The following GRIN2B variants were observed in gnomAD, a reference collection of about 807,000 sequenced individuals.
GRIN2B encodes the protein glutamate ionotropic receptor NMDA type subunit 2B.
A neutral mutation model predicts 114.5 loss-of-function variants in GRIN2B; 5 were observed. That is an observed-to-expected ratio of 0.04 (90% CI 0.02 to 0.09). GRIN2B has a LOEUF of 0.09. Among genes scored for constraint, GRIN2B ranks in the 10% least tolerant of loss-of-function variants. GRIN2B has a pLI of 1.00. For synonymous variants in GRIN2B, 787 were observed against 745.1 expected (o/e 1.06, Z -0.92); for missense variants, 1,108 against 1,943.5 (o/e 0.57, Z 8.08).
intron 5 of GRIN2B, among the ~76,000 whole-genome samples, chr12:13,625,409 A>C (rs1949556008): frequency 6.6e-6 from 1 of 152,206 alleles, no homozygotes; most frequent in Non-Finnish European, 1.5e-5. Context: ...TGGGGGCCAG[A>C]TAGGCAGAAT....
chr12:13,683,716 G>A (rs723095), intron 4 of GRIN2B: 25,059 of 152,312 alleles, frequency 0.16, 2,202 homozygotes, highest in South Asian at 0.2. Flanking sequence ...AAGGAGGACC[G>A]GTCTTCGGTC....
intron 3 of GRIN2B, among the ~76,000 whole-genome samples, chr12:13,786,397 A>G (rs933571941): frequency 2.0e-5 from 3 of 152,202 alleles, no homozygotes; most frequent in Non-Finnish European, 4.4e-5. Flanking sequence ...CGATGCCTTA[A>G]ACATGTTAAT....
rs1948449785 is a variant in GRIN2B, at chr12:13,554,117, T to C, written c.*8666A>G. 1 of 152,112 alleles carries C rather than the reference T, an allele frequency of 6.6e-6. No individual in the cohort carries two copies. Among genetic ancestry groups the C allele is most frequent in the East Asian group, 1.9e-4 (1 of 5,194 alleles). The allele number at this position is 152,112 out of a possible 1,614,324, so 9.4% of individuals were successfully genotyped here. A position where few individuals can be genotyped will look rare whatever the true frequency, so the allele number is the denominator to read the frequency against. On this transcript the variant is annotated 3_prime_UTR_variant, in exon 14 of 14. Coordinates refer to ENST00000609686, the MANE Select transcript of GRIN2B (RefSeq NM_000834.5). The stretch of plus-strand genomic sequence containing the variant: ...AATTATAATTTATAATAATATCAAA[T>C]ATTTACTAATGCCTTTCATATACAA...
At chr12:13,948,373 A>C (rs1303524370) in intron 2 of GRIN2B, among the ~76,000 whole-genome samples, 1 of 152,204 alleles carries the variant, frequency 6.6e-6, no homozygotes, top group African/African-American at 2.4e-5. Context: ...GGGGGGACTA[A>C]AGATGCTGAG....
intron 5 of GRIN2B, among the ~76,000 whole-genome samples, chr12:13,650,804 A>G (rs1949805790): frequency 6.6e-6 from 1 of 151,942 alleles, no homozygotes; most frequent in Non-Finnish European, 1.5e-5. Context: ...TATTCCCAAC[A>G]TTTTCTATCT....
chr12:13,977,446 T>C (rs949248920), intron 2 of GRIN2B: 1 of 152,276 alleles, frequency 6.6e-6, no homozygotes, highest in African/African-American at 2.4e-5. Context: ...TCTGCTTCTC[T>C]TGAAATCACC....
intron 3 of GRIN2B, among the ~76,000 whole-genome samples, chr12:13,859,982 A>C (rs1339709101): frequency 6.6e-6 from 1 of 152,244 alleles, no homozygotes; most frequent in Non-Finnish European, 1.5e-5. Flanking sequence ...AAGCAAGGTA[A>C]CAATCTAACA....
At position 13,562,069 on chromosome 12, in the gene GRIN2B, C is replaced by A. The variant is rs976633507; in HGVS notation, c.*714G>T. The stretch of plus-strand genomic sequence containing the variant: ...CACACATGCACGCACAATCCACCTG[C>A]TCTTGTCCCCAAGGCACCGTGGGAC... On this transcript the variant is annotated 3_prime_UTR_variant, in exon 14 of 14. Transcript: ENST00000609686. The A allele has an allele frequency of 6.5e-6, 1 of 152,864 alleles. No homozygotes were observed. The highest frequency in any genetic ancestry group is 1.9e-4 in the East Asian group (1 of 5,176). The allele number at this position is 152,864 out of a possible 1,614,324, so 9.5% of individuals were successfully genotyped here.
chr12:13,639,686 T>C (rs2300233), intron 5 of GRIN2B, among the ~76,000 whole-genome samples: 54,354 of 151,926 alleles, frequency 0.36, 10,039 homozygotes, highest in Middle Eastern at 0.48. Flanking sequence ...AATGCTCTTA[T>C]CAGAAGCATA....
At chr12:13,863,565 A>G (rs1865780711) in intron 3 of GRIN2B, among the ~76,000 whole-genome samples, 1 of 152,234 alleles carries the variant, frequency 6.6e-6, no homozygotes, top group Non-Finnish European at 1.5e-5. Flanking sequence ...ATTAAATAAT[A>G]TCACTTAGGT....
chr12:13,974,896 G>A (rs534802171), intron 2 of GRIN2B, among the ~76,000 whole-genome samples: 1 of 151,928 alleles, frequency 6.6e-6, no homozygotes, highest in Admixed American at 6.6e-5. Context: ...GAGACTAAGA[G>A]ACATTAACAA....
chr12:13,820,374 T>C lies in GRIN2B; in HGVS notation c.411+45424A>G, dbSNP rs189697832. 5.5e-4 allele frequency among the ~76,000 whole-genome samples: 84 copies of C among 152,358 alleles called. No individual in the cohort carries two copies. The East Asian group carries it at 0.01, about 19-fold the overall frequency. ...ATATAGCCACCTACCCAAGCTCATA[T>C]ATTTATTCAATAAATATTTATTAAG... On this transcript the variant is annotated intron_variant, in intron 3 of 13. Transcript: ENST00000609686.
At chr12:13,926,102 A>G (rs548407712) in intron 2 of GRIN2B, among the ~76,000 whole-genome samples, 1 of 152,260 alleles carries the variant, frequency 6.6e-6, no homozygotes, top group South Asian at 2.1e-4. Flanking sequence ...GAGGGAATAA[A>G]TCCATCTGGG....
chr12:13,669,175 T>A (rs1033429891), intron 5 of GRIN2B, among the ~76,000 whole-genome samples: 1 of 152,048 alleles, frequency 6.6e-6, no homozygotes, highest in African/African-American at 2.4e-5. Flanking sequence ...TCAACACTTC[T>A]CTCTGTTAAG....
At chr12:13,796,515 A>T (rs926820431) in intron 3 of GRIN2B, among the ~76,000 whole-genome samples, 4 of 152,234 alleles carry the variant, frequency 2.6e-5, no homozygotes, top group African/African-American at 4.8e-5. Context: ...AGAAGCTTTT[A>T]GGGCCATTTG....
chr12:13,782,282 T>TACAC (rs112744505), intron 3 of GRIN2B, among the ~76,000 whole-genome samples: 6 of 151,432 alleles, frequency 4.0e-5, no homozygotes, highest in South Asian at 4.2e-4. Context: ...CCACTCAGAA[T>TACAC]ACACACACAC....
chr12:13,881,203 C>T (rs1866069005), intron 2 of GRIN2B, among the ~76,000 whole-genome samples: 1 of 152,200 alleles, frequency 6.6e-6, no homozygotes, highest in Admixed American at 6.5e-5. Flanking sequence ...CCACTTGCCG[C>T]TTTTTTTCTG....
intron 2 of GRIN2B, among the ~76,000 whole-genome samples, chr12:13,883,679 T>C (rs1390993867): frequency 6.6e-6 from 1 of 152,152 alleles, no homozygotes; most frequent in Non-Finnish European, 1.5e-5. Context: ...TCTACACATA[T>C]TCTAGATATG....
At position 13,808,006 on chromosome 12, in the gene GRIN2B, C is replaced by T. The variant is rs1228890316; in HGVS notation, c.412-54091G>A. Among the ~76,000 whole-genome samples the T allele has an allele frequency of 6.6e-5, 10 of 152,080 alleles. No individual in the cohort carries two copies. The South Asian group carries it at 8.3e-4, about 13-fold the overall frequency. On this transcript the variant is annotated intron_variant, in intron 3 of 13. Transcript: ENST00000609686. The stretch of plus-strand genomic sequence containing the variant: ...CAAAGGATGATTCTAGATGACATTA[C>T]CCACTGTAAAGTTAAATGCAAATGT...
Sources: gnomAD v4.1 joint callset for allele counts (sites outside exome capture counted in the v4.1 genomes callset) on GRCh38, gnomAD v4.1.1 for gene constraint, MANE v1.5 for transcripts, NCBI Gene and HGNC (gene_info 2026-07-23, HGNC 2026-07-21) for gene names.